The following PPP2R2C variants were observed in gnomAD, a reference collection of about 807,000 sequenced individuals.
PPP2R2C encodes the protein protein phosphatase 2, regulatory subunit B, gamma.
Under a neutral mutation model 45.3 loss-of-function variants are expected in PPP2R2C, and 10 were observed. The ratio of observed to expected loss-of-function variants is 0.22; its 90% confidence interval spans 0.14 to 0.37. The LOEUF (loss-of-function observed/expected upper bound fraction) is 0.37. Among genes scored for constraint, PPP2R2C ranks in the 10% least tolerant of loss-of-function variants. The pLI, the probability that PPP2R2C is intolerant of heterozygous loss-of-function variation, is 1.00. For synonymous variants in PPP2R2C, 257 were observed against 245.4 expected (o/e 1.05, Z -0.44); for missense variants, 308 against 619.7 (o/e 0.50, Z 5.34).
At chr4:6,419,195 A>C (rs1196073873) in intron 1 of PPP2R2C, among the ~76,000 whole-genome samples, 3 of 152,230 alleles carry the variant, frequency 2.0e-5, no homozygotes, top group Non-Finnish European at 4.4e-5. Flanking sequence ...AGGCAGGCGG[A>C]TCACCTGAGG....
chr4:6,335,455 G>A (rs1049676621), intron 6 of PPP2R2C, among the ~76,000 whole-genome samples: 4 of 152,192 alleles, frequency 2.6e-5, no homozygotes, highest in East Asian at 1.9e-4. Flanking sequence ...GGCCGTGCAG[G>A]CAGAGAAAGG....
intron 8 of PPP2R2C, among the ~76,000 whole-genome samples, chr4:6,327,834 C>A (rs1222344800): frequency 1.3e-5 from 2 of 152,182 alleles, no homozygotes; most frequent in African/African-American, 4.8e-5. Flanking sequence ...TGCTGAGAGA[C>A]CCCTGCGGGC....
intron 1 of PPP2R2C, chr4:6,382,867 A>C (rs1251755012): frequency 8.9e-7 from 1 of 1,124,256 alleles, no homozygotes; most frequent in Non-Finnish European, 1.1e-6. Context: ...AACACCCAGG[A>C]CTGATCCTGG....
intron 1 of PPP2R2C, among the ~76,000 whole-genome samples, chr4:6,403,905 A>ACAGGGATAC (rs1197316425): frequency 6.7e-6 from 1 of 150,372 alleles, no homozygotes; most frequent in African/African-American, 2.4e-5. Context: ...CTCCTGCCTG[A>ACAGGGATAC]CAGGGATACA....
intron 1 of PPP2R2C, among the ~76,000 whole-genome samples, chr4:6,424,021 T>A (rs1249396074): frequency 6.6e-6 from 1 of 152,240 alleles, no homozygotes; most frequent in Non-Finnish European, 1.5e-5. Flanking sequence ...TGCCCATGCA[T>A]TCTGCCAGGG....
intron 2 of PPP2R2C, among the ~76,000 whole-genome samples, chr4:6,491,103 C>T (rs1054226929): frequency 6.6e-6 from 1 of 152,184 alleles, no homozygotes. Context: ...TCCCATTTCC[C>T]CCACTGTAAT....
At chr4:6,508,513 C>T (rs546004585) in intron 2 of PPP2R2C, among the ~76,000 whole-genome samples, 7 of 152,136 alleles carry the variant, frequency 4.6e-5, no homozygotes, top group Non-Finnish European at 7.4e-5. Flanking sequence ...TGCTTGAACC[C>T]GGGAGACAGA....
At chr4:6,544,149 C>A (rs1724898776) in intron 1 of PPP2R2C, among the ~76,000 whole-genome samples, 1 of 152,202 alleles carries the variant, frequency 6.6e-6, no homozygotes, top group Non-Finnish European at 1.5e-5. Flanking sequence ...CTGAGCTTGG[C>A]AGAGCAGAAA....
intron 1 of PPP2R2C, among the ~76,000 whole-genome samples, chr4:6,394,925 G>C (rs1323085665): frequency 2.0e-5 from 3 of 152,204 alleles, no homozygotes; most frequent in Non-Finnish European, 2.9e-5. Flanking sequence ...GCTCTAAGCT[G>C]CTTTGTCTCT....
chr4:6,494,446 C>G (rs1722809294), intron 2 of PPP2R2C, among the ~76,000 whole-genome samples: 1 of 152,222 alleles, frequency 6.6e-6, no homozygotes, highest in Admixed American at 6.5e-5. Context: ...CATGCCAGGC[C>G]TTGCCCTCAA....
intron 1 of PPP2R2C, among the ~76,000 whole-genome samples, chr4:6,460,479 CTG>C (rs1236907906): frequency 1.6e-4 from 25 of 152,178 alleles, no homozygotes; most frequent in Admixed American, 1.6e-3. Context: ...GTATGTGGCA[CTG>C]TGTTATAGAA....
intron 1 of PPP2R2C, among the ~76,000 whole-genome samples, chr4:6,426,705 C>G (rs1439731623): frequency 3.3e-5 from 5 of 152,156 alleles, no homozygotes; most frequent in Admixed American, 3.3e-4. Flanking sequence ...AGAGCTGGGA[C>G]AGCAGCCTGG....
chr4:6,484,375 A>G (rs1722465966), intron 2 of PPP2R2C, among the ~76,000 whole-genome samples: 1 of 151,926 alleles, frequency 6.6e-6, no homozygotes, highest in African/African-American at 2.4e-5. Context: ...ACTTGTATAA[A>G]TTACTGAAGC....
At chr4:6,430,063 C>T (rs1719534422) in intron 1 of PPP2R2C, among the ~76,000 whole-genome samples, 1 of 152,160 alleles carries the variant, frequency 6.6e-6, no homozygotes, top group African/African-American at 2.4e-5. Context: ...CACTAGTCCC[C>T]ACCTCATAAG....
intron 5 of PPP2R2C, among the ~76,000 whole-genome samples, chr4:6,371,986 G>A (rs1015121754): frequency 1.4e-4 from 22 of 152,306 alleles, no homozygotes; most frequent in African/African-American, 5.1e-4. Flanking sequence ...AATCGTCAAT[G>A]CTGCTGCTTC....
At chr4:6,338,390 C>T (rs950281569) in intron 6 of PPP2R2C, among the ~76,000 whole-genome samples, 1 of 152,316 alleles carries the variant, frequency 6.6e-6, no homozygotes, top group Non-Finnish European at 1.5e-5. Context: ...CCACAGAGAG[C>T]CTTCCCCACC....
intron 1 of PPP2R2C, among the ~76,000 whole-genome samples, chr4:6,448,769 T>C (rs577271775): frequency 6.6e-5 from 10 of 152,088 alleles, no homozygotes; most frequent in African/African-American, 2.2e-4. Flanking sequence ...CTGGCTGTCC[T>C]CCTCCCCCCA....
intron 1 of PPP2R2C, among the ~76,000 whole-genome samples, chr4:6,406,137 A>C (rs1029666977): frequency 2.0e-5 from 3 of 152,164 alleles, no homozygotes; most frequent in African/African-American, 7.2e-5. Context: ...TTTTTGAACA[A>C]TTTGAGACAT....
At position 6,378,390 on chromosome 4, in the gene PPP2R2C, G is replaced by A; in HGVS notation, c.334+17C>T. 6.2e-7 allele frequency: 1 copy of A among 1,614,072 alleles called. No homozygotes were observed. The highest frequency in any genetic ancestry group is 1.3e-5 in the African/African-American group (1 of 75,060). ...TACGGCCTGTGCCCATGCAAGCGAGGCCGGGCAGCGCCTCACCGTTGGTGG... is the reference window on the plus strand; with the variant it reads ...TACGGCCTGTGCCCATGCAAGCGAGACCGGGCAGCGCCTCACCGTTGGTGG... On this transcript the variant is annotated intron_variant, in intron 3 of 8. Transcript: ENST00000382599. The surrounding 1 kb of genome is among the most constrained non-coding windows in gnomAD (Gnocchi z 5.2).
Sources: allele counts gnomAD v4.1 joint callset (sites outside exome capture counted in the v4.1 genomes callset), GRCh38; gene constraint gnomAD v4.1.1; non-coding constraint Gnocchi (gnomAD v3.1); transcripts MANE v1.5; gene names NCBI Gene and HGNC (gene_info 2026-07-23, HGNC 2026-07-21).